Variants in ULK4 observed in about 807,000 individuals in gnomAD.
ULK4 encodes inactive serine/threonine-protein kinase ULK4.
In ULK4, 133 loss-of-function variants were observed where a neutral mutation model predicts 160.6. The observed-to-expected ratio is 0.83, with a 90% CI of 0.72 to 0.96. The LOEUF (loss-of-function observed/expected upper bound fraction) is 0.96, where lower values mean the gene tolerates loss of function less well. ULK4 is among the 40% of genes least tolerant of loss of function. The pLI, the probability that ULK4 is intolerant of heterozygous loss-of-function variation, is 0.00. For synonymous variants in ULK4, 534 were observed against 539.8 expected (o/e 0.99, Z 0.15); for missense variants, 1,580 against 1,499.5 (o/e 1.05, Z -0.89).
At chr3:41,763,148 A>C (rs2039045792) in intron 21 of ULK4, among the ~76,000 whole-genome samples, 1 of 152,188 alleles carries the variant, frequency 6.6e-6, no homozygotes, top group African/African-American at 2.4e-5. Context: ...TATCAACTAC[A>C]TACAGGATAG....
intron 27 of ULK4, 22 bp from the exon 28 acceptor site, chr3:41,681,826 A>C (rs941057518): frequency 2.5e-6 from 4 of 1,613,250 alleles, no homozygotes; most frequent in Non-Finnish European, 3.4e-6. Flanking sequence ...CATGTAAAAG[A>C]CTCAGAATCT....
chr3:41,465,992 C>A (rs749675183), intron 32 of ULK4, among the ~76,000 whole-genome samples: 1 of 152,132 alleles, frequency 6.6e-6, no homozygotes, highest in African/African-American at 2.4e-5. Context: ...GTTACTAATG[C>A]ATTCATTTTG....
chr3:41,494,842 A>G (rs1304086429), intron 32 of ULK4, among the ~76,000 whole-genome samples: 1 of 152,148 alleles, frequency 6.6e-6, no homozygotes, highest in Non-Finnish European at 1.5e-5. Flanking sequence ...TGCTTCAAAG[A>G]GAATAAAATA....
chr3:41,305,997 T>G (rs1474338393), intron 35 of ULK4, among the ~76,000 whole-genome samples: 2 of 143,544 alleles, frequency 1.4e-5, no homozygotes, highest in South Asian at 4.6e-4. Context: ...CCGCCCCGTC[T>G]GAGAAGTAAG....
At chr3:41,956,072 G>C (rs1035937563) in intron 1 of ULK4, among the ~76,000 whole-genome samples, 13 of 152,184 alleles carry the variant, frequency 8.5e-5, no homozygotes, top group Non-Finnish European at 8.8e-5. Flanking sequence ...AAAAGGACCA[G>C]AGGCTATTCC....
intron 32 of ULK4, among the ~76,000 whole-genome samples, chr3:41,537,027 T>C (rs1023004992): frequency 2.6e-5 from 4 of 152,190 alleles, no homozygotes; most frequent in Admixed American, 1.3e-4. Context: ...TAATGTCAAT[T>C]TGTTTGCTGA....
At chr3:41,551,404 A>G (rs1334343653) in intron 32 of ULK4, among the ~76,000 whole-genome samples, 1 of 109,476 alleles carries the variant, frequency 9.1e-6, no homozygotes, top group African/African-American at 3.3e-5. Flanking sequence ...AAAAAAAGGA[A>G]GAAGATCCAA....
At chr3:41,490,649 G>T (rs79072217) in intron 32 of ULK4, among the ~76,000 whole-genome samples, 2 of 152,204 alleles carry the variant, frequency 1.3e-5, no homozygotes, top group East Asian at 3.9e-4. Flanking sequence ...AACTCTATTT[G>T]AAGGCAAAAC....
At chr3:41,870,278 C>G (rs1697041818) in intron 17 of ULK4, among the ~76,000 whole-genome samples, 1 of 152,148 alleles carries the variant, frequency 6.6e-6, no homozygotes, top group African/African-American at 2.4e-5. Context: ...ACAATTATCC[C>G]TTCAAATATT....
chr3:41,744,580 G>T (rs1443675779), intron 22 of ULK4, among the ~76,000 whole-genome samples: 1 of 151,752 alleles, frequency 6.6e-6, no homozygotes, highest in Non-Finnish European at 1.5e-5. Context: ...AATTGTTAGA[G>T]GTGAAAAGAG....
At chr3:41,515,378 T>TA (rs202052979) in intron 32 of ULK4, among the ~76,000 whole-genome samples, 33 of 151,046 alleles carry the variant, frequency 2.2e-4, no homozygotes, top group South Asian at 1.7e-3. Context: ...ATATAGTAAT[T>TA]AAAAAAAAAC....
intron 33 of ULK4, among the ~76,000 whole-genome samples, chr3:41,456,293 TCA>T (rs2083551450): frequency 6.6e-6 from 1 of 152,166 alleles, no homozygotes; most frequent in Non-Finnish European, 1.5e-5. Context: ...GTCTAACATC[TCA>T]CAGTTAAGGA....
chr3:41,836,056 G>A (rs763814522), intron 17 of ULK4, 85 bp from the exon 18 acceptor site: 5 of 856,698 alleles, frequency 5.8e-6, no homozygotes, highest in Non-Finnish European at 9.0e-6. Flanking sequence ...AGGATACCCT[G>A]TAAAAGTCAC....
chr3:41,387,719 C>T (rs1357949334), intron 35 of ULK4, among the ~76,000 whole-genome samples: 1 of 152,180 alleles, frequency 6.6e-6, no homozygotes, highest in African/African-American at 2.4e-5. Flanking sequence ...TTTTTTATGG[C>T]TGCATAGTAT....
chr3:41,720,751 A>G (rs1224729391), intron 22 of ULK4, among the ~76,000 whole-genome samples: 1 of 152,104 alleles, frequency 6.6e-6, no homozygotes, highest in African/African-American at 2.4e-5. Flanking sequence ...TGCCATCAAG[A>G]CTCTGAGGAT....
intron 34 of ULK4, among the ~76,000 whole-genome samples, chr3:41,420,285 T>C (rs1478002374): frequency 6.6e-6 from 1 of 151,906 alleles, no homozygotes; most frequent in Non-Finnish European, 1.5e-5. Flanking sequence ...TTTTTAATGA[T>C]AGTCTTCCCA....
chr3:41,862,937 CT>C (rs1324905408), intron 17 of ULK4, among the ~76,000 whole-genome samples: 1 of 152,128 alleles, frequency 6.6e-6, no homozygotes, highest in African/African-American at 2.4e-5. Flanking sequence ...TACCCAAGGC[CT>C]GCTATAACCA....
intron 35 of ULK4, among the ~76,000 whole-genome samples, chr3:41,380,339 C>A (rs1296922763): frequency 2.0e-5 from 3 of 152,114 alleles, no homozygotes; most frequent in African/African-American, 4.8e-5. Flanking sequence ...AATGTTATAA[C>A]GTGCCATTGT....
chr3:41,585,227 T>C (rs142841788), intron 31 of ULK4, among the ~76,000 whole-genome samples: 1 of 152,300 alleles, frequency 6.6e-6, no homozygotes, highest in South Asian at 2.1e-4. Flanking sequence ...GAAAAAGATG[T>C]ACAAACTTCT....
Sources: allele counts gnomAD v4.1 joint callset (sites outside exome capture counted in the v4.1 genomes callset), GRCh38; gene constraint gnomAD v4.1.1; transcripts MANE v1.5; gene names NCBI Gene and HGNC (gene_info 2026-07-23, HGNC 2026-07-21).